Variants in HCN1 observed in about 807,000 individuals in gnomAD.
The protein encoded by HCN1 is potassium/sodium hyperpolarization-activated cyclic nucleotide-gated channel 1.
HCN1 carries 13 observed loss-of-function variants against 78.9 expected under a neutral mutation model. That is an observed-to-expected ratio of 0.16 (90% CI 0.11 to 0.26). The LOEUF (loss-of-function observed/expected upper bound fraction) is 0.26. Among genes scored for constraint, HCN1 ranks in the 10% least tolerant of loss-of-function variants. The pLI is 1.00. For missense variants in HCN1, 810 were observed against 1,154.3 expected (o/e 0.70, Z 4.32); for synonymous variants, 552 against 455.5 (o/e 1.21, Z -2.70).
intron 3 of HCN1, among the ~76,000 whole-genome samples, chr5:45,451,964 A>G (rs947588262): frequency 2.0e-5 from 3 of 152,068 alleles, no homozygotes; most frequent in African/African-American, 7.2e-5. Flanking sequence ...AGTAGATATT[A>G]TAAATAATAT....
intron 5 of HCN1, among the ~76,000 whole-genome samples, chr5:45,306,472 C>T (rs1275709728): frequency 6.6e-6 from 1 of 151,932 alleles, no homozygotes; most frequent in Non-Finnish European, 1.5e-5. Context: ...TTAATGTTTT[C>T]TTCCTTCATG....
At chr5:45,314,343 A>G (rs1052665538) in intron 5 of HCN1, among the ~76,000 whole-genome samples, 3 of 152,220 alleles carry the variant, frequency 2.0e-5, no homozygotes, top group African/African-American at 7.2e-5. Context: ...GGCCTGCCCT[A>G]CAAGAGATCC....
At chr5:45,343,899 G>A (rs1259506695) in intron 5 of HCN1, among the ~76,000 whole-genome samples, 2 of 151,964 alleles carry the variant, frequency 1.3e-5, no homozygotes, top group Non-Finnish European at 2.9e-5. Flanking sequence ...TTCAGGAACT[G>A]TGTTTTGTTA....
At chr5:45,588,455 C>A (rs1035663428) in intron 2 of HCN1, among the ~76,000 whole-genome samples, 1 of 152,166 alleles carries the variant, frequency 6.6e-6, no homozygotes, top group Admixed American at 6.5e-5. Flanking sequence ...AATTCCTTTA[C>A]TTCAAAATGC....
chr5:45,418,919 A>G (rs1348749320), intron 3 of HCN1, among the ~76,000 whole-genome samples: 1 of 152,158 alleles, frequency 6.6e-6, no homozygotes, highest in Non-Finnish European at 1.5e-5. Flanking sequence ...CAGAGCACAA[A>G]TTACACAATA....
intron 5 of HCN1, among the ~76,000 whole-genome samples, chr5:45,316,312 T>A (rs1025844129): frequency 2.6e-5 from 4 of 151,818 alleles, no homozygotes; most frequent in African/African-American, 9.7e-5. Flanking sequence ...AAGGCAAAAA[T>A]CACATGATTA....
intron 2 of HCN1, among the ~76,000 whole-genome samples, chr5:45,625,232 G>A (rs1199766309): frequency 6.6e-6 from 1 of 152,106 alleles, no homozygotes; most frequent in Non-Finnish European, 1.5e-5. Flanking sequence ...GAACCTTGGA[G>A]GCAGGGGTTG....
chr5:45,516,928 A>T (rs1329769044), intron 2 of HCN1, among the ~76,000 whole-genome samples: 1 of 152,124 alleles, frequency 6.6e-6, no homozygotes, highest in Middle Eastern at 3.4e-3. Context: ...GAAGTAAAAA[A>T]AATTCTTCTG....
chr5:45,539,959 T>TATATATATAA (rs1743064484), intron 2 of HCN1, among the ~76,000 whole-genome samples: 1 of 136,716 alleles, frequency 7.3e-6, no homozygotes, highest in African/African-American at 2.8e-5. Context: ...TATATATATA[T>TATATATATAA]AAAATGTTTA....
chr5:45,696,126 T>G lies in HCN1; in HGVS notation c.-33A>C. ...GGACGCGGCCGGCGACGGCGCGGGC[T>G]CCAGACTCGCCGGCCGCCCGGCGCC... On this transcript the variant is annotated 5_prime_UTR_variant, in exon 1 of 8. Coordinates refer to ENST00000303230, the MANE Select transcript of HCN1 (RefSeq NM_021072.4). The G allele has an allele frequency of 3.1e-6, 4 of 1,284,460 alleles. No homozygotes were observed. 79.6% of individuals were successfully genotyped at this position (1,284,460 alleles called of 1,614,324 possible). A position where few individuals can be genotyped will look rare whatever the true frequency, so the allele number is the denominator to read the frequency against.
chr5:45,523,057 G>C (rs1742647854), intron 2 of HCN1, among the ~76,000 whole-genome samples: 1 of 148,734 alleles, frequency 6.7e-6, no homozygotes, highest in Admixed American at 6.8e-5. Flanking sequence ...CCCTTCCTGT[G>C]TCCATGTGTT....
In HCN1 at chr5:45,575,535, C is replaced by T. The variant is rs1228674532; in HGVS notation, c.849+69650G>A. On this transcript the variant is annotated intron_variant, in intron 2 of 7. Transcript: ENST00000303230. ...GCACATGTATGCATATGTAACAAACCTGCACGTTGCGCACATGTACCCTAA... is the reference window on the plus strand; with the variant it reads ...GCACATGTATGCATATGTAACAAACTTGCACGTTGCGCACATGTACCCTAA... 4 of 152,094 alleles carry T rather than the reference C, an allele frequency of 2.6e-5. No individual in the cohort carries two copies. In the East Asian group the frequency reaches 5.8e-4, roughly 22 times the overall value. 9.4% of individuals were successfully genotyped at this position (152,094 alleles called of 1,614,324 possible). A position where few individuals can be genotyped will look rare whatever the true frequency, so the allele number is the denominator to read the frequency against.
In HCN1 at chr5:45,255,212, TATAAC is replaced by T. The variant is rs1404348146; in HGVS notation, c.*6704_*6708del. 6.6e-6 allele frequency: 1 copy of T among 152,194 alleles called. No homozygotes were observed. Among genetic ancestry groups the T allele is most frequent in the Non-Finnish European group, 1.5e-5 (1 of 68,030 alleles). 9.4% of individuals were successfully genotyped at this position (152,194 alleles called of 1,614,324 possible). ...AACTTTGGATGGTCCAGGATAAAAT[TATAAC>T]ATAGGTGGTTTGTCGTTGCTTGTGT... On this transcript the variant is annotated 3_prime_UTR_variant, in exon 8 of 8. Transcript: ENST00000303230.
At chr5:45,416,964 T>G (rs1235132652) in intron 3 of HCN1, among the ~76,000 whole-genome samples, 1 of 151,990 alleles carries the variant, frequency 6.6e-6, no homozygotes, top group African/African-American at 2.4e-5. Context: ...TTTCCTAGGC[T>G]TCCTAGAATC....
chr5:45,471,022 G>A (rs1741379978), intron 2 of HCN1, among the ~76,000 whole-genome samples: 1 of 151,824 alleles, frequency 6.6e-6, no homozygotes, highest in African/African-American at 2.4e-5. Context: ...ATATCTTTCT[G>A]TCTTACCTGT....
chr5:45,371,905 TATA>T (rs1211502604), intron 4 of HCN1, among the ~76,000 whole-genome samples: 2 of 101,328 alleles, frequency 2.0e-5, no homozygotes, highest in Non-Finnish European at 3.6e-5. Context: ...TACATTATAT[TATA>T]AAAAATATAT....
chr5:45,330,687 G>C (rs1228057926), intron 5 of HCN1, among the ~76,000 whole-genome samples: 1 of 150,742 alleles, frequency 6.6e-6, no homozygotes, highest in Non-Finnish European at 1.5e-5. Flanking sequence ...AGATAGCTTT[G>C]CAAGAAATTC....
At chr5:45,375,245 T>G (rs1170549074) in intron 4 of HCN1, among the ~76,000 whole-genome samples, 5 of 116,320 alleles carry the variant, frequency 4.3e-5, no homozygotes, top group Non-Finnish European at 8.2e-5. Flanking sequence ...TATAATATAT[T>G]ATACATAATA....
intron 2 of HCN1, among the ~76,000 whole-genome samples, chr5:45,583,057 A>G (rs1744118483): frequency 6.6e-6 from 1 of 151,278 alleles, no homozygotes; most frequent in East Asian, 1.9e-4. Flanking sequence ...GTTAGGGAGG[A>G]TTCCCTCTTT....
Sources: gnomAD v4.1 joint callset for allele counts (sites outside exome capture counted in the v4.1 genomes callset) on GRCh38, gnomAD v4.1.1 for gene constraint, MANE v1.5 for transcripts, NCBI Gene and HGNC (gene_info 2026-07-23, HGNC 2026-07-21) for gene names.